ERCC6L2: variants seen among roughly 807,000 people sequenced by gnomAD.
ERCC6L2 encodes the protein ERCC excision repair 6 like 2.
In ERCC6L2, 77 loss-of-function variants were observed where a neutral mutation model predicts 132.0. The ratio of observed to expected loss-of-function variants is 0.58; its 90% confidence interval spans 0.49 to 0.71. The LOEUF is 0.71. ERCC6L2 is among the 30% of genes least tolerant of loss of function. The pLI is 0.00. For synonymous variants in ERCC6L2, 583 were observed against 632.4 expected, an observed-to-expected ratio of 0.92 and a Z score of 1.17; for missense variants, 1,542 against 1,837.6, an observed-to-expected ratio of 0.84 and a Z score of 2.94.
chr9:96,034,969 G>A (rs539245867), intron 19 of ERCC6L2, among the ~76,000 whole-genome samples: 2 of 152,272 alleles, frequency 1.3e-5, no homozygotes, highest in Admixed American at 6.5e-5. Context: ...AGCTCCCTGG[G>A]TACAGTTGCT....
At chr9:96,039,836 T>C (rs1174640795) in intron 20 of ERCC6L2, among the ~76,000 whole-genome samples, 1 of 152,110 alleles carries the variant, frequency 6.6e-6, no homozygotes, top group Non-Finnish European at 1.5e-5. Context: ...CAGAGCAGGC[T>C]ACAGTGGACA....
In ERCC6L2 at chr9:95,875,813, C is replaced by G; in HGVS notation, c.-226C>G. ...CTCACACAGCGTCCCCTGGCTCTGC[C>G]GCCGCTCCGGACGTCGCCCTCCCGT... is the stretch of plus-strand genomic sequence containing the variant. On this transcript the variant is annotated 5_prime_UTR_variant, in exon 1 of 19. Coordinates refer to ENST00000653738, the MANE Select transcript of ERCC6L2 (RefSeq NM_020207.7). 1 of 576,550 alleles carries G rather than the reference C, an allele frequency of 1.7e-6. No individual in the cohort carries two copies. Among genetic ancestry groups the G allele is most frequent in the South Asian group, 2.1e-5 (1 of 47,686 alleles). 35.7% of individuals were successfully genotyped at this position (576,550 alleles called of 1,614,324 possible). A position where few individuals can be genotyped will look rare whatever the true frequency, so the allele number is the denominator to read the frequency against.
chr9:95,962,151 T>C (rs140156333), intron 13 of ERCC6L2, among the ~76,000 whole-genome samples: 1 of 152,176 alleles, frequency 6.6e-6, no homozygotes, highest in Non-Finnish European at 1.5e-5. Flanking sequence ...GAAAAAATCT[T>C]TTTAACCACA....
intron 13 of ERCC6L2, among the ~76,000 whole-genome samples, chr9:95,960,572 A>G (rs2133020195): frequency 1.3e-5 from 2 of 152,260 alleles, no homozygotes; most frequent in East Asian, 3.9e-4. Context: ...GTGTGCCAGA[A>G]GCTAAGGAAT....
intron 13 of ERCC6L2, among the ~76,000 whole-genome samples, chr9:95,960,361 T>C (rs1831843495): frequency 6.6e-6 from 1 of 152,116 alleles, no homozygotes; most frequent in Non-Finnish European, 1.5e-5. Flanking sequence ...CCGAAAAATA[T>C]CAATTTCTAA....
At chr9:95,966,456 T>G in intron 13 of ERCC6L2, 106 bp from the exon 14 acceptor site, 1 of 1,067,726 alleles carries the variant, frequency 9.4e-7, no homozygotes, top group Non-Finnish European at 1.2e-6. Context: ...CTAAGGAGAT[T>G]CTGCCTGCTC....
At chr9:96,030,701 CAAAAA>C (rs35421948) in intron 19 of ERCC6L2, among the ~76,000 whole-genome samples, 5 of 79,960 alleles carry the variant, frequency 6.3e-5, no homozygotes, top group African/African-American at 2.0e-4. Context: ...GACTCCATCT[CAAAAA>C]AAAAAAAAAA....
intron 19 of ERCC6L2, among the ~76,000 whole-genome samples, chr9:96,037,683 C>T (rs780096085): frequency 5.9e-5 from 9 of 152,012 alleles, no homozygotes; most frequent in South Asian, 2.1e-4. Flanking sequence ...AGCACCTAAA[C>T]GAGGACTGCG....
rs535249014 is a variant in ERCC6L2, at chr9:95,882,970, A to G, written c.471+1677A>G. 3.0e-4 allele frequency among the ~76,000 whole-genome samples: 46 copies of G among 152,334 alleles called. No homozygotes were observed. The Middle Eastern group carries it at 0.01, about 34-fold the overall frequency. Reference sequence around the variant, plus strand: ...AGAAATTACCTCTGAAACTGACCCAACAGTCCCACAGACAGTTTTGTTTGT... The same window carrying G: ...AGAAATTACCTCTGAAACTGACCCAGCAGTCCCACAGACAGTTTTGTTTGT... On this transcript the variant is annotated intron_variant, in intron 2 of 18. Transcript: ENST00000653738.
Position 95,955,965 on chromosome 9 carries a change from C to G in ERCC6L2, c.1899C>G (p.Ser633=). ...CRDVKVLRLI[S]LGTVEEIMYL... ...ATGTCAAAGTGCTTAGGCTGATATC[C>G]TTGGGAACTGTGGAGGAAATCATGT... Residue 633 remains serine, a synonymous_variant, in exon 13 of 19, where the codon TCC becomes TCG. Transcript: ENST00000653738. 1 of 1,607,798 alleles carries G rather than the reference C, an allele frequency of 6.2e-7. No individual in the cohort carries two copies. The highest frequency in any genetic ancestry group is 8.5e-7 in the Non-Finnish European group (1 of 1,176,736).
At chr9:95,986,054 C>A (rs1209717585) in intron 17 of ERCC6L2, among the ~76,000 whole-genome samples, 2 of 152,132 alleles carry the variant, frequency 1.3e-5, no homozygotes, top group African/African-American at 4.8e-5. Context: ...GAACTCCTAC[C>A]CCTTGTATCA....
At chr9:96,021,609 G>A (rs1834291128), downstream of ERCC6L2, 1 of 157,076 alleles carries the variant, frequency 6.4e-6, no homozygotes. This position sits in a 1 kb window ranked among gnomAD's most constrained non-coding sequence, Gnocchi z 4.7. Flanking sequence ...GAGGCCAGTG[G>A]GCGGGTGGCG....
chr9:95,928,339 A>C, intron 10 of ERCC6L2, 189 bp downstream of exon 10: 1 of 460,944 alleles, frequency 2.2e-6, no homozygotes, highest in Non-Finnish European at 3.8e-6. Context: ...GTTGCTAAAT[A>C]TCAAACTCAA....
rs1434726350 is a variant in ERCC6L2, at chr9:96,012,293, C to T, written c.3743C>T (p.Thr1248Ile). 1.5e-6 allele frequency: 2 copies of T among 1,350,048 alleles called. No homozygotes were observed. The highest frequency in any genetic ancestry group is 2.3e-5 in the South Asian group (2 of 85,688). 83.6% of individuals were successfully genotyped at this position (1,350,048 alleles called of 1,614,324 possible). ...GTAAACGAATTTGCTAAACATATAACCAATGCCACATCAGAAGAACGACAG... is the reference window on the plus strand; with the variant it reads ...GTAAACGAATTTGCTAAACATATAATCAATGCCACATCAGAAGAACGACAG... Reference protein sequence around the residue: ...SSVNEFAKHITNATSEERQKM... With the variant: ...SSVNEFAKHIINATSEERQKM... Residue 1248 changes from threonine to isoleucine, a missense_variant, in exon 19 of 19, where the codon ACC (threonine) becomes ATC (isoleucine). Transcript: ENST00000653738.
chr9:96,021,030 GCGC>G (rs767495634), downstream of ERCC6L2: 1 of 455,112 alleles, frequency 2.2e-6, no homozygotes, highest in South Asian at 1.6e-5. The surrounding 1 kb of genome is among the most constrained non-coding windows in gnomAD (Gnocchi z 4.7). Context: ...GGGGCTCGCA[GCGC>G]CGCCGCGGCG....
At chr9:96,018,831 TTA>T (rs1030660405), downstream of ERCC6L2, among the ~76,000 whole-genome samples, 148 of 152,324 alleles carry the variant, frequency 9.7e-4, no homozygotes, top group African/African-American at 3.0e-3. Context: ...CCAATCTTAA[TTA>T]TACCAACATG....
intron 13 of ERCC6L2, among the ~76,000 whole-genome samples, chr9:95,960,045 A>T (rs1480853300): frequency 1.3e-5 from 2 of 152,130 alleles, no homozygotes; most frequent in African/African-American, 4.8e-5. Context: ...ATCCTATCCC[A>T]TTTGGACCAA....
In ERCC6L2 at chr9:95,915,729, G is replaced by C; in HGVS notation, c.850G>C (p.Val284Leu). The change falls in exon 5 of 19, where the codon GTA becomes CTA. Residue 284 changes from valine to leucine, a missense_variant. Physicochemically the swap from Val to Leu is conservative, Grantham distance 32. Coordinates refer to ENST00000653738, the MANE Select transcript of ERCC6L2 (RefSeq NM_020207.7). ...TAGAATCAAGAATCCAAAAGCTAGA[G>C]TAACAGAAGTTATGAAAGCTTTGAA... ...AHRIKNPKAR[V>L]TEVMKALKCN... The C allele has an allele frequency of 6.2e-7, 1 of 1,613,906 alleles. No individual in the cohort carries two copies. Among genetic ancestry groups the C allele is most frequent in the Non-Finnish European group, 8.5e-7 (1 of 1,179,822 alleles).
chr9:95,881,900 A>G (rs1332653416), intron 2 of ERCC6L2, among the ~76,000 whole-genome samples: 2 of 152,194 alleles, frequency 1.3e-5, no homozygotes, highest in Non-Finnish European at 2.9e-5. Context: ...ATATTCATGT[A>G]TTGTCTCACA....
Sources: gnomAD v4.1 joint callset for allele counts (sites outside exome capture counted in the v4.1 genomes callset) on GRCh38, gnomAD v4.1.1 for gene constraint, Gnocchi (gnomAD v3.1) non-coding constraint, MANE v1.5 for transcripts, NCBI Gene and HGNC (gene_info 2026-07-23, HGNC 2026-07-21) for gene names.